ATRNL1: variants seen among roughly 807,000 people sequenced by gnomAD.
ATRNL1 encodes the protein attractin-like protein 1.
Under a neutral mutation model 182.7 loss-of-function variants are expected in ATRNL1, and 95 were observed. The ratio of observed to expected loss-of-function variants is 0.52; its 90% CI spans 0.44 to 0.62. The LOEUF is 0.62. Among genes scored for constraint, ATRNL1 ranks in the 20% least tolerant of loss-of-function variants. ATRNL1 has a pLI of 0.00. For synonymous variants in ATRNL1, 576 were observed against 568.3 expected (o/e 1.01, Z -0.19); for missense variants, 1,471 against 1,679.5 (o/e 0.88, Z 2.17).
At chr10:115,128,419 G>A (rs1845068751) in intron 4 of ATRNL1, 1 of 760,230 alleles carries the variant, frequency 1.3e-6, no homozygotes, top group African/African-American at 1.9e-5. Context: ...TGTAGAAATT[G>A]GTAACCAGAG....
chr10:115,814,508 A>G (rs534408874), intron 27 of ATRNL1, among the ~76,000 whole-genome samples: 1 of 152,326 alleles, frequency 6.6e-6, no homozygotes, highest in East Asian at 1.9e-4. Flanking sequence ...TGAAAGTACA[A>G]GAAGATAGTT....
chr10:115,238,190 C>G (rs117303298), intron 9 of ATRNL1, among the ~76,000 whole-genome samples: 2 of 152,166 alleles, frequency 1.3e-5, no homozygotes, highest in Non-Finnish European at 2.9e-5. Context: ...TGACTTTGTT[C>G]TTCTTCTTCA....
chr10:115,546,488 C>T (rs898268109), intron 25 of ATRNL1, among the ~76,000 whole-genome samples: 5 of 151,688 alleles, frequency 3.3e-5, no homozygotes, highest in African/African-American at 1.2e-4. Flanking sequence ...GTTGCTTGAA[C>T]CCGGGAGGCA....
chr10:115,593,272 A>T (rs1285373295), intron 26 of ATRNL1, among the ~76,000 whole-genome samples: 1 of 152,236 alleles, frequency 6.6e-6, no homozygotes, highest in Admixed American at 6.5e-5. Context: ...ACCACAAAAG[A>T]TGCTAAATAG....
intron 21 of ATRNL1, among the ~76,000 whole-genome samples, chr10:115,429,531 G>T (rs930596949): frequency 1.3e-5 from 2 of 152,018 alleles, no homozygotes; most frequent in Admixed American, 6.6e-5. Context: ...TTGTGACAAG[G>T]TTATATCATG....
intron 8 of ATRNL1, among the ~76,000 whole-genome samples, chr10:115,179,886 A>G (rs1284645458): frequency 1.3e-5 from 2 of 152,112 alleles, no homozygotes; most frequent in Non-Finnish European, 2.9e-5. Context: ...TAATATATTT[A>G]TCATCTTTCA....
chr10:115,229,729 T>A (rs1358869412), intron 9 of ATRNL1, among the ~76,000 whole-genome samples: 7 of 152,136 alleles, frequency 4.6e-5, no homozygotes, highest in African/African-American at 1.7e-4. Flanking sequence ...AATGTCTGGT[T>A]AAAATCCCAT....
chr10:115,131,172 T>C (rs1250993889), intron 5 of ATRNL1, among the ~76,000 whole-genome samples: 1 of 152,074 alleles, frequency 6.6e-6, no homozygotes, highest in Non-Finnish European at 1.5e-5. Flanking sequence ...GTATGTTCAC[T>C]TTTAAAGCAA....
intron 28 of ATRNL1, among the ~76,000 whole-genome samples, chr10:115,850,614 A>G (rs1555100247): frequency 1.3e-5 from 2 of 152,172 alleles, no homozygotes; most frequent in African/African-American, 4.8e-5. Context: ...AAGTCCTTAT[A>G]TATGCCTGTG....
At chr10:115,667,818 A>G (rs1555040158) in intron 26 of ATRNL1, among the ~76,000 whole-genome samples, 1 of 151,826 alleles carries the variant, frequency 6.6e-6, no homozygotes, top group African/African-American at 2.4e-5. Context: ...TACCATGACC[A>G]GCTAATTTTT....
chr10:115,189,662 A>G (rs1848093410), intron 8 of ATRNL1, among the ~76,000 whole-genome samples: 1 of 152,154 alleles, frequency 6.6e-6, no homozygotes, highest in African/African-American at 2.4e-5. Flanking sequence ...CTGTTATTAC[A>G]GAAGGATCAA....
intron 26 of ATRNL1, among the ~76,000 whole-genome samples, chr10:115,562,355 G>T (rs770740638): frequency 9.9e-5 from 15 of 152,154 alleles, no homozygotes; most frequent in Non-Finnish European, 2.1e-4. Flanking sequence ...GGGTACATGG[G>T]TTCTTTCTGG....
chr10:115,750,642 T>C (rs573675998), intron 27 of ATRNL1, among the ~76,000 whole-genome samples: 1 of 151,934 alleles, frequency 6.6e-6, no homozygotes, highest in South Asian at 2.1e-4. Context: ...AAAAAACTTT[T>C]TATACTAAAA....
Position 115,946,566 on chromosome 10 carries a change from G to C in ATRNL1, c.*1787G>C, listed in dbSNP as rs1372325165. On this transcript the variant is annotated 3_prime_UTR_variant, in exon 29 of 29. Coordinates refer to ENST00000355044, the MANE Select transcript of ATRNL1 (RefSeq NM_207303.4). ...GCATTAAAAATAAGACAAATTCTTA[G>C]AGTAATTTTAGTAATTTTATCTATA... The C allele has an allele frequency of 1.3e-5, 2 of 152,114 alleles. No homozygotes were observed. Among genetic ancestry groups the C allele is most frequent in the South Asian group, 2.1e-4 (1 of 4,830 alleles). The allele number at this position is 152,114 out of a possible 1,614,324, so 9.4% of individuals were successfully genotyped here.
intron 1 of ATRNL1, among the ~76,000 whole-genome samples, chr10:115,117,576 G>A (rs1844548101): frequency 6.6e-6 from 1 of 152,062 alleles, no homozygotes; most frequent in Non-Finnish European, 1.5e-5. Context: ...TTGTGTTTAT[G>A]TACCACATTT....
chr10:115,867,486 C>T (rs1401245241), intron 28 of ATRNL1, among the ~76,000 whole-genome samples: 1 of 152,110 alleles, frequency 6.6e-6, no homozygotes, highest in African/African-American at 2.4e-5. Context: ...GCCTGGCAGG[C>T]TGCTTAGGGG....
At chr10:115,779,232 G>T (rs556426335) in intron 27 of ATRNL1, among the ~76,000 whole-genome samples, 1 of 152,128 alleles carries the variant, frequency 6.6e-6, no homozygotes, top group Non-Finnish European at 1.5e-5. Context: ...AAGCAGATTT[G>T]GGAATGAGTT....
intron 19 of ATRNL1, among the ~76,000 whole-genome samples, chr10:115,346,732 CT>C (rs35909294): frequency 6.6e-6 from 1 of 151,840 alleles, no homozygotes; most frequent in East Asian, 1.9e-4. Flanking sequence ...TATAATTGGG[CT>C]TTTTTTGCTG....
chr10:115,561,540 A>G (rs915001305), intron 26 of ATRNL1, among the ~76,000 whole-genome samples: 4 of 152,160 alleles, frequency 2.6e-5, no homozygotes, highest in African/African-American at 7.2e-5. Context: ...AATGATATAA[A>G]TGGGAAAATG....
Sources: allele counts gnomAD v4.1 joint callset (sites outside exome capture counted in the v4.1 genomes callset), GRCh38; gene constraint gnomAD v4.1.1; transcripts MANE v1.5; gene names NCBI Gene and HGNC (gene_info 2026-07-23, HGNC 2026-07-21).